Variants in IQSEC2 observed in about 807,000 individuals in gnomAD.
IQSEC2 encodes the protein IQ motif and Sec7 domain ArfGEF 2, also known as IQ motif and SEC7 domain-containing protein 2.
A neutral mutation model predicts 74.6 loss-of-function variants in IQSEC2; 6 were observed. That is an observed-to-expected ratio of 0.08 (90% CI 0.04 to 0.16). The LOEUF (loss-of-function observed/expected upper bound fraction) is 0.16. Ranked by LOEUF, IQSEC2 falls within the 10% of genes least tolerant of loss-of-function variation. IQSEC2 has a pLI of 1.00. For missense variants in IQSEC2, 734 were observed against 1,306.2 expected (o/e 0.56, Z 6.75); for synonymous variants, 494 against 544.5 (o/e 0.91, Z 1.29).
intron 7 of IQSEC2, among the ~76,000 whole-genome samples, 196 bp from the exon 8 acceptor site, chrX:53,247,331 G>T (rs2074322242): frequency 8.9e-6 from 1 of 112,294 alleles, no homozygotes; most frequent in Admixed American, 9.5e-5. Context: ...TCTTCCAGGG[G>T]ATTTATGTAC....
intron 1 of IQSEC2, among the ~76,000 whole-genome samples, chrX:53,317,782 C>T (rs2075392710): frequency 8.9e-6 from 1 of 112,678 alleles, no homozygotes; most frequent in Non-Finnish European, 1.9e-5. Flanking sequence ...GGCTTCTCAC[C>T]CACTCCTTAC....
At chrX:53,276,364 C>T (rs933805816) in intron 2 of IQSEC2, among the ~76,000 whole-genome samples, 1 of 111,998 alleles carries the variant, frequency 8.9e-6, no homozygotes. Context: ...ATTGCTGGTA[C>T]TCAGAGAAGT....
At chrX:53,263,180 G>A (rs958111027) in intron 2 of IQSEC2, among the ~76,000 whole-genome samples, 1 of 111,910 alleles carries the variant, frequency 8.9e-6, no homozygotes. Context: ...GTGGGTGAAC[G>A]AGGAAGCAAC....
chrX:53,234,226 A>C lies in IQSEC2; in HGVS notation c.4460T>G (p.Val1487Gly). Residue 1487 changes from valine to glycine, a missense_variant, in exon 15 of 15, where the codon GTG (valine) becomes GGG (glycine). Physicochemically the swap from Val to Gly is moderately radical, Grantham distance 109. Coordinates refer to ENST00000642864, the MANE Select transcript of IQSEC2 (RefSeq NM_001111125.3). ...GCTCACTCTCTCCATTCATCAGACCACGGTGCTGATCCGGCTTGGCTTGGC... is the reference window on the plus strand; with the variant it reads ...GCTCACTCTCTCCATTCATCAGACCCCGGTGCTGATCCGGCTTGGCTTGGC... ...PKAKPSRISTVV is the reference protein window; with the variant it reads ...PKAKPSRISTGV 9.7e-7 allele frequency: 1 copy of C among 1,031,028 alleles called. No homozygotes were observed. The highest frequency in any genetic ancestry group is 1.3e-6 in the Non-Finnish European group (1 of 787,493). 85.0% of individuals were successfully genotyped at this position (1,031,028 alleles called of 1,213,427 possible).
chrX:53,241,624 G>A (rs1192855858), intron 10 of IQSEC2, among the ~76,000 whole-genome samples, 160 bp downstream of exon 10: 1 of 112,186 alleles, frequency 8.9e-6, no homozygotes, highest in Non-Finnish European at 1.9e-5. Context: ...AGGAGGGGCA[G>A]AGAAGGCCTG....
chrX:53,283,961 C>G (rs2075000578), intron 2 of IQSEC2, among the ~76,000 whole-genome samples: 1 of 111,589 alleles, frequency 9.0e-6, no homozygotes, highest in African/African-American at 3.3e-5. Context: ...GTGGTATTTC[C>G]AGCAAGCACG....
chrX:53,306,283 G>T (rs1556876622), intron 1 of IQSEC2, among the ~76,000 whole-genome samples: 1 of 112,131 alleles, frequency 8.9e-6, no homozygotes, highest in South Asian at 3.7e-4. Flanking sequence ...TACAGCAGAC[G>T]GAGAGCCTCT....
chrX:53,312,314 T>A, intron 1 of IQSEC2, among the ~76,000 whole-genome samples: 1 of 111,767 alleles, frequency 8.9e-6, no homozygotes, highest in Admixed American at 9.5e-5. Context: ...TTTGAGCACC[T>A]GTGGCCCCCT....
At chrX:53,311,703 G>T (rs1318590513) in intron 1 of IQSEC2, among the ~76,000 whole-genome samples, 2 of 111,894 alleles carry the variant, frequency 1.8e-5, no homozygotes, top group African/African-American at 6.5e-5. Flanking sequence ...CTCACCTGAG[G>T]TCAGGAGTTT....
At chrX:53,317,700 G>A (rs782819779) in intron 1 of IQSEC2, among the ~76,000 whole-genome samples, 2 of 112,172 alleles carry the variant, frequency 1.8e-5, no homozygotes, top group Non-Finnish European at 3.8e-5. Flanking sequence ...GCCTGTACCC[G>A]CTCTACCTAG....
intron 2 of IQSEC2, among the ~76,000 whole-genome samples, chrX:53,259,838 C>G (rs781802515): frequency 1.8e-5 from 2 of 111,768 alleles, no homozygotes; most frequent in South Asian, 7.5e-4. Context: ...CTGTACTAAC[C>G]TAACTATTTC....
In IQSEC2 at chrX:53,310,063, A is replaced by G. The variant is rs140895201; in HGVS notation, c.707+10354T>C. On this transcript the variant is annotated intron_variant, in intron 1 of 14. Transcript: ENST00000642864. ...TATCTATTTACGGAGCACCTACAGTATCAGGGAATGCCATCGAAATTACCT... is the reference window on the plus strand; with the variant it reads ...TATCTATTTACGGAGCACCTACAGTGTCAGGGAATGCCATCGAAATTACCT... Among the ~76,000 whole-genome samples the G allele has an allele frequency of 3.1e-3, 348 of 111,639 alleles. 2 individuals carry two copies. The highest frequency in any genetic ancestry group is 0.011 in the African/African-American group (332 of 30,762).
Position 53,291,937 on chromosome X carries a change from C to T in IQSEC2, c.708-13G>A, listed in dbSNP as rs782239009. ...CTCACCATCAGATCTGAAAGGGAAA[C>T]AGAGAAAAAAAACCAAAACGGTCAG... is the stretch of plus-strand genomic sequence containing the variant. On this transcript the variant is annotated splice_polypyrimidine_tract_variant and intron_variant, in intron 1 of 14. Transcript: ENST00000642864. 5.1e-6 allele frequency: 6 copies of T among 1,165,147 alleles called. No individual in the cohort carries two copies. The highest frequency in any genetic ancestry group is 3.8e-5 in the South Asian group (2 of 52,560).
At chrX:53,261,444 C>T (rs1484646726) in intron 2 of IQSEC2, among the ~76,000 whole-genome samples, 1 of 110,158 alleles carries the variant, frequency 9.1e-6, no homozygotes, top group Admixed American at 9.8e-5. Flanking sequence ...GGTCTGGGAG[C>T]ACCCCCTCTC....
At chrX:53,273,118 A>C (rs1556868917) in intron 2 of IQSEC2, among the ~76,000 whole-genome samples, 1 of 109,763 alleles carries the variant, frequency 9.1e-6, no homozygotes, top group African/African-American at 3.3e-5. Context: ...TACTGACTCC[A>C]CTATTTTTCC....
intron 5 of IQSEC2, among the ~76,000 whole-genome samples, chrX:53,249,855 A>G (rs2074358672): frequency 9.0e-6 from 1 of 111,467 alleles, no homozygotes; most frequent in Non-Finnish European, 1.9e-5. Flanking sequence ...GTAGGTGGAA[A>G]AATGGAAGCC....
At chrX:53,314,010 G>A (rs2075344168) in intron 1 of IQSEC2, among the ~76,000 whole-genome samples, 1 of 112,121 alleles carries the variant, frequency 8.9e-6, no homozygotes, top group Admixed American at 9.4e-5. Context: ...TTTTTCCTTA[G>A]GGATGGGATC....
chrX:53,265,612 G>A (rs2074644063), intron 2 of IQSEC2, among the ~76,000 whole-genome samples: 1 of 111,286 alleles, frequency 9.0e-6, no homozygotes, highest in Non-Finnish European at 1.9e-5. Flanking sequence ...AAAAGTCGGG[G>A]GTATGAGCCC....
chrX:53,261,670 T>TCACACA (rs782091295), intron 2 of IQSEC2, among the ~76,000 whole-genome samples: 1 of 104,804 alleles, frequency 9.5e-6, no homozygotes, highest in East Asian at 3.0e-4. Flanking sequence ...ACACACACAC[T>TCACACA]CACACACACA....
Sources: gnomAD v4.1 joint callset for allele counts (sites outside exome capture counted in the v4.1 genomes callset) on GRCh38, gnomAD v4.1.1 for gene constraint, MANE v1.5 for transcripts, NCBI Gene and HGNC (gene_info 2026-07-23, HGNC 2026-07-21) for gene names.